NFATC3: variants seen among roughly 807,000 people sequenced by gnomAD.
The protein encoded by NFATC3 is nuclear factor of activated T cells 3.
In NFATC3, 46 loss-of-function variants were observed where a neutral mutation model predicts 98.6. That is an observed-to-expected ratio of 0.47 (90% CI 0.37 to 0.60). The LOEUF is 0.60. Among genes scored for constraint, NFATC3 ranks in the 20% least tolerant of loss-of-function variants. NFATC3 has a pLI of 0.00. For missense variants in NFATC3, 1,256 were observed against 1,295.5 expected (o/e 0.97, Z 0.47); for synonymous variants, 512 against 472.2 (o/e 1.08, Z -1.09).
chr16:68,122,755 A>G lies in NFATC3; in HGVS notation c.872A>G (p.His291Arg), dbSNP rs1473112422. The G allele has an allele frequency of 1.2e-6, 2 of 1,613,922 alleles. No individual in the cohort carries two copies. The highest frequency in any genetic ancestry group is 1.7e-6 in the Non-Finnish European group (2 of 1,179,976). ...TATGCTGGGTCCCTTTCACCCCATC[A>G]CTCACCTGTTCCTTCACCTGGTCAC... is the stretch of plus-strand genomic sequence containing the variant. The part of the protein sequence containing the change: ...VCYAGSLSPH[H>R]SPVPSPGHSP... The change falls in exon 2 of 10, where the codon CAC (histidine) becomes CGC (arginine). Residue 291 changes from histidine to arginine, a missense_variant. By Grantham distance (29) the His-to-Arg change is conservative. Transcript: ENST00000346183.
At chr16:68,174,640 G>C in intron 6 of NFATC3, 126 bp downstream of exon 6, 1 of 706,060 alleles carries the variant, frequency 1.4e-6, no homozygotes, top group Non-Finnish European at 2.1e-6. Context: ...TTTTGCACTT[G>C]ATTTTATTTT....
chr16:68,184,004 C>CAAAAAAAAAAAAAAAAAAAAAAAA (rs34341175), intron 8 of NFATC3, among the ~76,000 whole-genome samples: 1 of 62,260 alleles, frequency 1.6e-5, no homozygotes, highest in Non-Finnish European at 3.2e-5. Context: ...AACTCCGTCA[C>CAAAAAAAAAAAAAAAAAAAAAAAA]AAAAAAAAAA....
chr16:68,216,646 C>G (rs2041652321), intron 9 of NFATC3, among the ~76,000 whole-genome samples: 1 of 150,902 alleles, frequency 6.6e-6, no homozygotes, highest in Non-Finnish European at 1.5e-5. Context: ...ATTCTCCTTC[C>G]TCAGCCTCCC....
chr16:68,089,635 C>T (rs912916884), intron 1 of NFATC3: 3 of 152,008 alleles, frequency 2.0e-5, no homozygotes, highest in Non-Finnish European at 4.4e-5. Context: ...TACTTAATAT[C>T]TAGCTCTAAA....
rs62636652 is a variant in NFATC3, at chr16:68,122,295, C to T, written c.412C>T (p.Arg138Trp). Residue 138 changes from arginine to tryptophan, a missense_variant, in exon 2 of 10, where the codon CGG becomes TGG. Arg to Trp is a moderately radical substitution (Grantham distance 101). Transcript: ENST00000346183. ...TGACCTACAGATAAATGACCCAGAA[C>T]GGGAATTTTTGGAAAGGCCTTCTAG... is the stretch of plus-strand genomic sequence containing the variant. Reference protein sequence around the residue: ...EDDLQINDPEREFLERPSRDH... With the variant: ...EDDLQINDPEWEFLERPSRDH... The T allele has an allele frequency of 2.0e-3, 3,195 of 1,614,064 alleles. 53 individuals carry two copies. The African/African-American group carries it at 0.037, about 19-fold the overall frequency.
At chr16:68,113,717 C>T (rs553943645) in intron 1 of NFATC3, among the ~76,000 whole-genome samples, 7 of 152,352 alleles carry the variant, frequency 4.6e-5, no homozygotes, top group African/African-American at 7.2e-5. Context: ...CCACCCCTAC[C>T]CGTAGAGGCT....
At position 68,086,668 on chromosome 16, in the gene NFATC3, G is replaced by A. The variant is rs527257319; in HGVS notation, c.103+884G>A. ...AACTTCAAAAAGGAAATGGATAAGA[G>A]TAATCCCTATTTTTTCTTGCCTGGT... On this transcript the variant is annotated intron_variant, in intron 1 of 9. Coordinates refer to ENST00000346183, the MANE Select transcript of NFATC3 (RefSeq NM_173165.3). 7.1e-6 allele frequency: 7 copies of A among 985,354 alleles called. No individual in the cohort carries two copies. The South Asian group carries it at 2.8e-4, about 40-fold the overall frequency. The allele number at this position is 985,354 out of a possible 1,614,324, so 61.0% of individuals were successfully genotyped here. A position where few individuals can be genotyped will look rare whatever the true frequency, so the allele number is the denominator to read the frequency against.
chr16:68,093,528 C>T (rs1395517145), intron 1 of NFATC3, among the ~76,000 whole-genome samples: 1 of 152,172 alleles, frequency 6.6e-6, no homozygotes, highest in Non-Finnish European at 1.5e-5. Context: ...AGAACAACAA[C>T]AACAAAAATC....
chr16:68,134,975 T>TA (rs1256625018), intron 3 of NFATC3, among the ~76,000 whole-genome samples: 3 of 151,014 alleles, frequency 2.0e-5, no homozygotes, highest in Non-Finnish European at 4.4e-5. Context: ...ATTGGACTGA[T>TA]ACAGTCTCTT....
In NFATC3 at chr16:68,190,819, C is replaced by T. The variant is rs2040401257; in HGVS notation, c.2150C>T (p.Ser717Phe). 2 of 1,613,722 alleles carry T rather than the reference C, an allele frequency of 1.2e-6. No homozygotes were observed. Among genetic ancestry groups the T allele is most frequent in the Non-Finnish European group, 1.7e-6 (2 of 1,179,768 alleles). The part of the protein sequence containing the change: ...REEIDLSSVP[S>F]LPVPHPAQTQ... ...GAGATTGATTTGTCTTCAGTTCCAT[C>T]TTTGCCTGTGCCTCATCCTGCTCAG... The change falls in exon 9 of 10, where the codon TCT becomes TTT. Residue 717 changes from serine to phenylalanine, a missense_variant. Coordinates refer to ENST00000346183, the MANE Select transcript of NFATC3 (RefSeq NM_173165.3).
At chr16:68,198,290 C>G (rs2040758099) in intron 9 of NFATC3, among the ~76,000 whole-genome samples, 1 of 151,828 alleles carries the variant, frequency 6.6e-6, no homozygotes, top group Admixed American at 6.6e-5. Flanking sequence ...TACACTCCAG[C>G]CCAGGTGACA....
Position 68,206,630 on chromosome 16 carries a change from G to C in NFATC3, c.3106+14855G>C, listed in dbSNP as rs1170753813. Among the ~76,000 whole-genome samples, 3 of 152,000 alleles carry C rather than the reference G, an allele frequency of 2.0e-5. No individual in the cohort carries two copies. In the East Asian group the frequency reaches 5.8e-4, roughly 29 times the overall value. ...TTATTTACATATAATATTCCATATG[G>C]AGGAATAATATTCAATTTTTTGTGT... On this transcript the variant is annotated intron_variant, in intron 9 of 9. Coordinates refer to ENST00000346183, the MANE Select transcript of NFATC3 (RefSeq NM_173165.3).
chr16:68,193,268 G>A (rs911525686), intron 9 of NFATC3, among the ~76,000 whole-genome samples: 1 of 151,916 alleles, frequency 6.6e-6, no homozygotes, highest in Non-Finnish European at 1.5e-5. Flanking sequence ...ATTTTGGTAT[G>A]GGGGGGTTGT....
chr16:68,202,250 T>A (rs528892864), intron 9 of NFATC3, among the ~76,000 whole-genome samples: 1 of 152,170 alleles, frequency 6.6e-6, no homozygotes, highest in African/African-American at 2.4e-5. Context: ...TGATCCTGAA[T>A]GTAGGGCATT....
At chr16:68,214,710 A>G (rs1335497772) in intron 9 of NFATC3, among the ~76,000 whole-genome samples, 3 of 152,366 alleles carry the variant, frequency 2.0e-5, no homozygotes, top group East Asian at 1.9e-4. Flanking sequence ...TTTCGTATCT[A>G]TGAATTCTAT....
chr16:68,169,531 G>C (rs566057185), intron 5 of NFATC3, among the ~76,000 whole-genome samples: 6 of 152,272 alleles, frequency 3.9e-5, no homozygotes, highest in African/African-American at 1.4e-4. Context: ...GGGATTACAG[G>C]CTTGAGCCAC....
chr16:68,214,263 TGTA>T, intron 9 of NFATC3: 1 of 1,210,222 alleles, frequency 8.3e-7, no homozygotes, highest in Non-Finnish European at 1.2e-6. Flanking sequence ...GGCTGGGCAC[TGTA>T]GTAGATTAAG....
In NFATC3 at chr16:68,165,123, C is replaced by T. The variant is rs1213332696; in HGVS notation, c.1602-1720C>T. Among the ~76,000 whole-genome samples the T allele has an allele frequency of 6.6e-5, 10 of 152,106 alleles. No homozygotes were observed. In the South Asian group the frequency reaches 2.1e-3, roughly 32 times the overall value. On this transcript the variant is annotated intron_variant, in intron 4 of 9. Transcript: ENST00000346183. Reference sequence around the variant, plus strand: ...TAACACAGATGATCTCTGCTATTTCCCCTGAAGACCCATGTTGGCATGTTA... The same window carrying T: ...TAACACAGATGATCTCTGCTATTTCTCCTGAAGACCCATGTTGGCATGTTA...
At chr16:68,100,808 A>G (rs1013728693) in intron 1 of NFATC3, among the ~76,000 whole-genome samples, 5 of 150,836 alleles carry the variant, frequency 3.3e-5, no homozygotes, top group Admixed American at 1.3e-4. Context: ...TGCCATCCGT[A>G]TATTATTTTT....
Sources: allele counts gnomAD v4.1 joint callset (sites outside exome capture counted in the v4.1 genomes callset), GRCh38; gene constraint gnomAD v4.1.1; transcripts MANE v1.5; gene names NCBI Gene and HGNC (gene_info 2026-07-23, HGNC 2026-07-21).